HMG20A: variants seen among roughly 807,000 people sequenced by gnomAD.
The protein encoded by HMG20A is high mobility group 20A, also known as high mobility group protein 20A.
Under a neutral mutation model 43.9 loss-of-function variants are expected in HMG20A, and 17 were observed. That is an observed-to-expected ratio of 0.39 (90% CI 0.27 to 0.58). The LOEUF (loss-of-function observed/expected upper bound fraction) is 0.58, where lower values mean the gene tolerates loss of function less well. Ranked by LOEUF, HMG20A falls within the 20% of genes least tolerant of loss-of-function variation. HMG20A has a pLI of 0.59. For missense variants in HMG20A, 341 were observed against 438.2 expected (o/e 0.78, Z 1.98); for synonymous variants, 132 against 147.5 (o/e 0.89, Z 0.76).
At chr15:77,497,878 G>A in the HMG20A span, among the ~76,000 whole-genome samples, 1 of 145,864 alleles carries the variant, frequency 6.9e-6, no homozygotes. Flanking sequence ...CTTCCCTGCT[G>A]GGAGAAGAAA....
chr15:77,429,232 T>C (rs965953825), intron 1 of HMG20A, among the ~76,000 whole-genome samples: 2 of 151,998 alleles, frequency 1.3e-5, no homozygotes, highest in African/African-American at 4.8e-5. Context: ...TTTTTTGTTT[T>C]TTTGAGACGG....
chr15:77,490,446 G>C (rs2072966433), downstream of HMG20A, among the ~76,000 whole-genome samples: 1 of 152,182 alleles, frequency 6.6e-6, no homozygotes, highest in African/African-American at 2.4e-5. Context: ...GGAAAAGGCA[G>C]ATTAATTCAG....
At chr15:77,513,131 G>C in the HMG20A span, among the ~76,000 whole-genome samples, 6 of 152,294 alleles carry the variant, frequency 3.9e-5, no homozygotes, top group East Asian at 1.9e-4. Flanking sequence ...ATCATGGATA[G>C]GACCCTTTCG....
At chr15:77,475,830 C>T (rs1268126072) in intron 6 of HMG20A, among the ~76,000 whole-genome samples, 2 of 152,184 alleles carry the variant, frequency 1.3e-5, no homozygotes, top group Non-Finnish European at 2.9e-5. Flanking sequence ...CTTTCTTGTT[C>T]ATACATTAGT....
intron 1 of HMG20A, among the ~76,000 whole-genome samples, chr15:77,455,639 A>C (rs576973498): frequency 6.6e-6 from 1 of 152,306 alleles, no homozygotes; most frequent in Admixed American, 6.5e-5. Context: ...CCAAACTTGT[A>C]TATTGCTTTG....
At chr15:77,498,947 C>G in the HMG20A span, among the ~76,000 whole-genome samples, 1 of 152,122 alleles carries the variant, frequency 6.6e-6, no homozygotes, top group Admixed American at 6.5e-5. Flanking sequence ...TCCATTATTC[C>G]TTCCACCTTT....
Position 77,422,739 on chromosome 15 carries a change from C to G in HMG20A, c.-5+1735C>G, listed in dbSNP as rs146914132. Among the ~76,000 whole-genome samples the G allele has an allele frequency of 7.9e-5, 12 of 152,192 alleles. No individual in the cohort carries two copies. In the East Asian group the frequency reaches 2.3e-3, roughly 29 times the overall value. ...TCTGTGGTCACTTTTAAAAAAGAATCTAAGACCCTAAAATCAAGTATGATT... is the reference window on the plus strand; with the variant it reads ...TCTGTGGTCACTTTTAAAAAAGAATGTAAGACCCTAAAATCAAGTATGATT... On this transcript the variant is annotated intron_variant, in intron 1 of 9. Transcript: ENST00000336216.
At chr15:77,511,716 G>T in the HMG20A span, among the ~76,000 whole-genome samples, 1 of 152,106 alleles carries the variant, frequency 6.6e-6, no homozygotes, top group African/African-American at 2.4e-5. Flanking sequence ...ATGAGATGCC[G>T]CCTCACACCC....
the HMG20A span, among the ~76,000 whole-genome samples, chr15:77,506,439 G>C: frequency 4.6e-5 from 7 of 152,168 alleles, no homozygotes; most frequent in African/African-American, 1.7e-4. Flanking sequence ...CTCCCCGCAG[G>C]GTGATTGTGT....
chr15:77,467,035 G>T, intron 3 of HMG20A, 60 bp from the exon 4 acceptor site: 1 of 1,388,830 alleles, frequency 7.2e-7, no homozygotes, highest in Non-Finnish European at 1.0e-6. Flanking sequence ...TTGTTGTTGG[G>T]TTATTTTGGG....
chr15:77,432,001 G>A (rs758694818), intron 1 of HMG20A, among the ~76,000 whole-genome samples: 5 of 152,228 alleles, frequency 3.3e-5, no homozygotes, highest in Admixed American at 6.5e-5. Context: ...TCCATTGTGC[G>A]TATATACCAC....
intron 2 of HMG20A, among the ~76,000 whole-genome samples, chr15:77,461,348 G>A (rs868191321): frequency 6.6e-6 from 1 of 152,280 alleles, no homozygotes; most frequent in Middle Eastern, 3.4e-3. Flanking sequence ...GACCTTAACT[G>A]GAAGTGGGAT....
chr15:77,472,997 G>C (rs377290112), intron 6 of HMG20A, among the ~76,000 whole-genome samples: 1 of 152,122 alleles, frequency 6.6e-6, no homozygotes, highest in Non-Finnish European at 1.5e-5. Flanking sequence ...ATTCAAAGTT[G>C]ACCTGAAATA....
intron 1 of HMG20A, among the ~76,000 whole-genome samples, chr15:77,440,233 CTCTTTAAGAAA>C (rs1567393132): frequency 6.6e-6 from 1 of 151,990 alleles, no homozygotes; most frequent in Non-Finnish European, 1.5e-5. Context: ...GTGCTTTGTC[CTCTTTAAGAAA>C]TCTTTGCCTA....
At chr15:77,508,508 T>A in the HMG20A span, among the ~76,000 whole-genome samples, 1 of 152,192 alleles carries the variant, frequency 6.6e-6, no homozygotes, top group Non-Finnish European at 1.5e-5. Flanking sequence ...AAAGACTAAG[T>A]GACTGATCCA....
At chr15:77,478,536 C>T (rs1283490602) in intron 8 of HMG20A, 26 bp downstream of exon 8, 1 of 1,581,534 alleles carries the variant, frequency 6.3e-7, no homozygotes, top group Non-Finnish European at 8.6e-7. Context: ...TGAGAACTGT[C>T]AGTGACAGGG....
At chr15:77,423,307 G>C (rs1433563785) in intron 1 of HMG20A, among the ~76,000 whole-genome samples, 1 of 152,078 alleles carries the variant, frequency 6.6e-6, no homozygotes, top group Non-Finnish European at 1.5e-5. Context: ...AATAGAGAGA[G>C]AAGGTCCATA....
At chr15:77,466,138 T>C (rs965474730) in intron 3 of HMG20A, among the ~76,000 whole-genome samples, 2 of 152,172 alleles carry the variant, frequency 1.3e-5, no homozygotes, top group African/African-American at 2.4e-5. Flanking sequence ...CCCAGCACTT[T>C]GGGAGGCTGA....
chr15:77,490,562 C>T (rs1218018852), downstream of HMG20A, among the ~76,000 whole-genome samples: 2 of 152,146 alleles, frequency 1.3e-5, no homozygotes, highest in East Asian at 1.9e-4. Flanking sequence ...GTGGCTTACG[C>T]GTGTAATCCC....
Sources: allele counts gnomAD v4.1 joint callset (sites outside exome capture counted in the v4.1 genomes callset), GRCh38; gene constraint gnomAD v4.1.1; transcripts MANE v1.5; gene names NCBI Gene and HGNC (gene_info 2026-07-23, HGNC 2026-07-21).